ARHGAP22: variants seen among roughly 807,000 people sequenced by gnomAD.
ARHGAP22 encodes the protein rho GTPase-activating protein 22.
A neutral mutation model predicts 59.1 loss-of-function variants in ARHGAP22; 48 were observed. The observed-to-expected ratio is 0.81, with a 90% CI of 0.64 to 1.03. ARHGAP22 has a LOEUF of 1.03. Ranked by LOEUF, ARHGAP22 falls within the 50% of genes least tolerant of loss-of-function variation. The pLI, the probability that ARHGAP22 is intolerant of heterozygous loss-of-function variation, is 0.00. For missense variants in ARHGAP22, 1,015 were observed against 958.7 expected, an observed-to-expected ratio of 1.06 and a Z score of -0.78; for synonymous variants, 445 against 416.4, an observed-to-expected ratio of 1.07 and a Z score of -0.84.
At chr10:48,598,358 G>C (rs998519727) in intron 1 of ARHGAP22, among the ~76,000 whole-genome samples, 1 of 152,152 alleles carries the variant, frequency 6.6e-6, no homozygotes, top group Non-Finnish European at 1.5e-5. Context: ...CTGGGTGGAG[G>C]GTGGTGGCTG....
chr10:48,634,398 C>T lies in ARHGAP22; in HGVS notation c.52+17836G>A, dbSNP rs146254722. On this transcript the variant is annotated intron_variant, in intron 1 of 9. Coordinates refer to the ARHGAP22 transcript ENST00000435790. ...AGGATAAGCTGCTGGGTGCAGAGGGCGGTGAGCCTGCACTGTGGTTTGCCC... is the reference window on the plus strand; with the variant it reads ...AGGATAAGCTGCTGGGTGCAGAGGGTGGTGAGCCTGCACTGTGGTTTGCCC... 7.0e-3 allele frequency among the ~76,000 whole-genome samples: 1,065 copies of T among 152,304 alleles called. 13 individuals are homozygous for T. Among genetic ancestry groups the T allele is most frequent in the African/African-American group, 0.024 (1,018 of 41,552 alleles).
At chr10:48,636,272 G>A (rs1484444559) in intron 1 of ARHGAP22, among the ~76,000 whole-genome samples, 1 of 152,238 alleles carries the variant, frequency 6.6e-6, no homozygotes, top group African/African-American at 2.4e-5. Context: ...ACTGCATGAA[G>A]GAGACATTCA....
At chr10:48,453,962 G>A (rs2133661534) in intron 7 of ARHGAP22, 126 bp downstream of exon 7, 1 of 974,136 alleles carries the variant, frequency 1.0e-6, no homozygotes, top group Non-Finnish European at 1.6e-6. Context: ...CTGGGTTGAG[G>A]CTGTGCAGGG....
chr10:48,604,553 G>T (rs1246822999), intron 1 of ARHGAP22, among the ~76,000 whole-genome samples: 1 of 152,222 alleles, frequency 6.6e-6, no homozygotes, highest in Non-Finnish European at 1.5e-5. Context: ...GCCGGCCACC[G>T]CCCTTTTGCA....
At chr10:48,494,587 T>C (rs772329711) in intron 3 of ARHGAP22, among the ~76,000 whole-genome samples, 3 of 152,170 alleles carry the variant, frequency 2.0e-5, no homozygotes, top group Non-Finnish European at 4.4e-5. Context: ...ATCTGCTCAT[T>C]TGTCTACCCA....
chr10:48,533,065 T>C (rs2055009596), intron 3 of ARHGAP22: 1 of 152,210 alleles, frequency 6.6e-6, no homozygotes, highest in Non-Finnish European at 1.5e-5. Context: ...CTGCTTTGCC[T>C]TCTGATATCT....
intron 4 of ARHGAP22, among the ~76,000 whole-genome samples, chr10:48,460,207 C>T (rs1443465360): frequency 6.6e-6 from 1 of 152,194 alleles, no homozygotes; most frequent in Admixed American, 6.5e-5. Flanking sequence ...TTCATTATGC[C>T]TGTCATTGAT....
chr10:48,606,581 C>G (rs1355542779), upstream of ARHGAP22, among the ~76,000 whole-genome samples: 1 of 152,206 alleles, frequency 6.6e-6, no homozygotes, highest in Non-Finnish European at 1.5e-5. Flanking sequence ...TATGCACATA[C>G]AGCGCCTGCT....
chr10:48,546,096 T>G (rs1172730462), intron 3 of ARHGAP22, among the ~76,000 whole-genome samples: 1 of 152,212 alleles, frequency 6.6e-6, no homozygotes, highest in African/African-American at 2.4e-5. Context: ...CCTGGAGAAC[T>G]TGACACATAA....
intron 3 of ARHGAP22, among the ~76,000 whole-genome samples, chr10:48,484,762 A>G (rs2049688199): frequency 6.6e-6 from 1 of 152,176 alleles, no homozygotes. Context: ...GTTGTCCATA[A>G]TGTTCCTTTA....
chr10:48,637,608 T>G (rs1307429239), intron 1 of ARHGAP22, among the ~76,000 whole-genome samples: 2 of 151,454 alleles, frequency 1.3e-5, no homozygotes, highest in African/African-American at 4.9e-5. Context: ...GATGGGTGGG[T>G]GAATGGATGG....
At chr10:48,451,725 ACAC>A (rs1249550747) in intron 8 of ARHGAP22, 3 of 586,194 alleles carry the variant, frequency 5.1e-6, no homozygotes, top group Admixed American at 3.0e-5. Flanking sequence ...CCACACACAC[ACAC>A]AACTGGACAA....
At chr10:48,493,602 C>T (rs2050632520) in intron 3 of ARHGAP22, 1 of 1,474,406 alleles carries the variant, frequency 6.8e-7, no homozygotes, top group South Asian at 1.4e-5. Flanking sequence ...GCTGCGGCCA[C>T]TCGGCTGCCT....
chr10:48,501,044 A>C (rs1353776376), intron 3 of ARHGAP22, among the ~76,000 whole-genome samples: 2 of 152,242 alleles, frequency 1.3e-5, no homozygotes, highest in African/African-American at 2.4e-5. Context: ...CATGAAAGTT[A>C]AAAATAGTTG....
chr10:48,555,500 G>C lies in ARHGAP22; in HGVS notation c.285C>G (p.Pro95=), dbSNP rs147995942. The change falls in exon 3 of 10, where the codon CCC becomes CCG. Residue 95 remains proline (P), a synonymous_variant. Transcript: ENST00000249601. Reference sequence around the variant, plus strand: ...CAAAGAGGTGCTTCCCTGGGTCCTCGGGGCCAGGAGGAAGTTCAGTCACCT... The same window carrying C: ...CAAAGAGGTGCTTCCCTGGGTCCTCCGGGCCAGGAGGAAGTTCAGTCACCT... ...GTQVTELPPG[P]EDPGKHLFEI... The C allele has an allele frequency of 3.7e-6, 6 of 1,614,196 alleles. No homozygotes were observed. In the Admixed American group the frequency reaches 5.0e-5, roughly 13 times the overall value.
chr10:48,524,168 G>C, intron 3 of ARHGAP22: 1 of 1,147,376 alleles, frequency 8.7e-7, no homozygotes, highest in East Asian at 4.2e-5. Flanking sequence ...CCCCGGGGCG[G>C]CGCGGCCGAG....
At chr10:48,546,912 C>T (rs954935070) in intron 3 of ARHGAP22, among the ~76,000 whole-genome samples, 1 of 152,208 alleles carries the variant, frequency 6.6e-6, no homozygotes, top group African/African-American at 2.4e-5. Context: ...ATCCTCACCA[C>T]AACCCAAGGT....
At chr10:48,630,049 T>G (rs2061576798) in intron 1 of ARHGAP22, among the ~76,000 whole-genome samples, 1 of 152,200 alleles carries the variant, frequency 6.6e-6, no homozygotes, top group Non-Finnish European at 1.5e-5. Flanking sequence ...GCTAGGAGTT[T>G]GATTGGGATT....
intron 1 of ARHGAP22, among the ~76,000 whole-genome samples, chr10:48,645,587 A>G (rs1321531669): frequency 6.6e-6 from 1 of 152,196 alleles, no homozygotes; most frequent in Non-Finnish European, 1.5e-5. Flanking sequence ...GACAAAATCC[A>G]ATAGCCATTC....
Sources: allele counts gnomAD v4.1 joint callset (sites outside exome capture counted in the v4.1 genomes callset), GRCh38; gene constraint gnomAD v4.1.1; transcripts MANE v1.5; gene names NCBI Gene and HGNC (gene_info 2026-07-23, HGNC 2026-07-21).